The following APBA1 variants were observed in gnomAD, a reference collection of about 807,000 sequenced individuals.
APBA1 encodes the protein amyloid-beta A4 precursor protein-binding family A member 1.
Under a neutral mutation model 86.6 loss-of-function variants are expected in APBA1, and 55 were observed. The ratio of observed to expected loss-of-function variants is 0.64; its 90% confidence interval spans 0.51 to 0.80. The LOEUF is 0.80. APBA1 is among the 30% of genes least tolerant of loss of function. The pLI, the probability that APBA1 is intolerant of heterozygous loss-of-function variation, is 0.00. For missense variants in APBA1, 1,090 were observed against 1,183.0 expected (o/e 0.92, Z 1.15); for synonymous variants, 511 against 493.9 (o/e 1.03, Z -0.46).
chr9:69,552,007 G>T (rs1279855721), intron 1 of APBA1, among the ~76,000 whole-genome samples: 1 of 152,190 alleles, frequency 6.6e-6, no homozygotes, highest in Non-Finnish European at 1.5e-5. Flanking sequence ...ACATGAAACT[G>T]TTCAGAGTTT....
At chr9:69,672,448 G>C (rs1029156100), upstream of APBA1, 3 of 148,366 alleles carry the variant, frequency 2.0e-5, no homozygotes, top group Non-Finnish European at 3.0e-5. Flanking sequence ...CGCTGGGGCC[G>C]GGCGGGCCTG....
At chr9:69,572,914 A>G (rs1052449046) in intron 1 of APBA1, among the ~76,000 whole-genome samples, 3 of 152,142 alleles carry the variant, frequency 2.0e-5, no homozygotes, top group Admixed American at 2.0e-4. Context: ...TTATGATTTA[A>G]CTATTTTCTT....
intron 4 of APBA1, among the ~76,000 whole-genome samples, chr9:69,469,857 C>T (rs543556472): frequency 1.3e-5 from 2 of 152,260 alleles, no homozygotes; most frequent in East Asian, 1.9e-4. Flanking sequence ...TGAAGAAGAA[C>T]GATCTCATCT....
chr9:69,483,949 C>G (rs1185472777), intron 2 of APBA1, among the ~76,000 whole-genome samples: 2 of 152,094 alleles, frequency 1.3e-5, no homozygotes, highest in African/African-American at 4.8e-5. Flanking sequence ...TGGCTGACTC[C>G]AAATTAATGT....
chr9:69,626,745 G>C (rs1822939600), intron 1 of APBA1, among the ~76,000 whole-genome samples: 1 of 151,992 alleles, frequency 6.6e-6, no homozygotes, highest in African/African-American at 2.4e-5. Flanking sequence ...CCTAAGAAAA[G>C]AAAGAACTAT....
chr9:69,600,477 G>GT (rs1203318201), intron 1 of APBA1, among the ~76,000 whole-genome samples: 1 of 152,128 alleles, frequency 6.6e-6, no homozygotes. Context: ...TATCAGCTAT[G>GT]TGTAACTTTA....
At chr9:69,451,069 A>G (rs1157130558) in intron 9 of APBA1, among the ~76,000 whole-genome samples, 3 of 152,232 alleles carry the variant, frequency 2.0e-5, no homozygotes, top group Non-Finnish European at 4.4e-5. Flanking sequence ...CAACAGCCCT[A>G]GTAAATTCAT....
intron 5 of APBA1, 132 bp downstream of exon 5, chr9:69,467,690 TA>T: frequency 8.1e-7 from 1 of 1,238,986 alleles, no homozygotes; most frequent in Non-Finnish European, 1.1e-6. Flanking sequence ...GGCACATGGA[TA>T]AGCACTGCCT....
At chr9:69,561,635 T>A (rs1380438601) in intron 1 of APBA1, among the ~76,000 whole-genome samples, 1 of 152,012 alleles carries the variant, frequency 6.6e-6, no homozygotes, top group Non-Finnish European at 1.5e-5. Context: ...ACAGGATTTT[T>A]TTTTTTTTTT....
rs751134974 is a variant in APBA1 at position 69,458,147 on chromosome 9, G to C, written c.1515+9C>G. On this transcript the variant is annotated intron_variant, in intron 6 of 12. Transcript: ENST00000265381. Reference sequence around the variant, plus strand: ...TAACACCAAGCTGATGAAGTTGTTTGTACTGCACCTTCTTCCTGCTTTTGG... The same window carrying C: ...TAACACCAAGCTGATGAAGTTGTTTCTACTGCACCTTCTTCCTGCTTTTGG... The C allele has an allele frequency of 6.2e-7, 1 of 1,611,266 alleles. No homozygotes were observed. Among genetic ancestry groups the C allele is most frequent in the South Asian group, 1.1e-5 (1 of 90,332 alleles).
chr9:69,497,545 TC>T (rs1564056208), intron 2 of APBA1, among the ~76,000 whole-genome samples: 1 of 152,146 alleles, frequency 6.6e-6, no homozygotes, highest in African/African-American at 2.4e-5. Context: ...GAGAGTATCA[TC>T]AGCACACTGC....
At chr9:69,649,269 A>C (rs1823450338) in intron 1 of APBA1, among the ~76,000 whole-genome samples, 1 of 152,100 alleles carries the variant, frequency 6.6e-6, no homozygotes, top group South Asian at 2.1e-4. Flanking sequence ...AAATCTGATC[A>C]TGTCTTTCCT....
At chr9:69,614,235 C>A (rs1193694148) in intron 1 of APBA1, among the ~76,000 whole-genome samples, 1 of 152,144 alleles carries the variant, frequency 6.6e-6, no homozygotes, top group Non-Finnish European at 1.5e-5. Flanking sequence ...GCTTCCCCAG[C>A]ATCAAAATTC....
rs1415854042 is a variant in APBA1, at chr9:69,516,296, G to A, written c.915C>T (p.Thr305=). 1 of 1,556,236 alleles carries A rather than the reference G, an allele frequency of 6.4e-7. No homozygotes were observed. ...GGCTGTCGGGGCGACCCCCGGCCGG[G>A]GTAGGGGGACGCTCCAGGTCCTGCT... ...EAEQDLERPP[T]PAGGRPDSPG... is the part of the protein sequence containing the mutation. The change falls in exon 2 of 13, where the codon ACC becomes ACT. Residue 305 remains threonine, a synonymous_variant. Transcript: ENST00000265381. This position sits in a 1 kb window ranked among gnomAD's most constrained non-coding sequence, Gnocchi z 7.3.
At chr9:69,603,116 A>T (rs531956252) in intron 1 of APBA1, among the ~76,000 whole-genome samples, 2 of 152,362 alleles carry the variant, frequency 1.3e-5, no homozygotes, top group African/African-American at 4.8e-5. Context: ...AGTTAGCTCC[A>T]GAAGAATCAA....
intron 8 of APBA1, 44 bp from the exon 9 acceptor site, chr9:69,452,345 C>T (rs779227410): frequency 1.3e-6 from 2 of 1,589,772 alleles, no homozygotes; most frequent in Admixed American, 1.7e-5. Context: ...CAGGGCAGTG[C>T]ACCTGGTGAG....
intron 2 of APBA1, 105 bp downstream of exon 2, chr9:69,515,906 G>T: frequency 7.8e-7 from 1 of 1,274,156 alleles, no homozygotes; most frequent in South Asian, 1.7e-5. Flanking sequence ...CGTCCCCACA[G>T]ACTACTTCCC....
intron 1 of APBA1, among the ~76,000 whole-genome samples, chr9:69,526,454 A>T (rs920778167): frequency 2.6e-5 from 4 of 152,298 alleles, no homozygotes; most frequent in Non-Finnish European, 5.9e-5. Context: ...CAAGTGGCCA[A>T]GAAACATATG....
intron 1 of APBA1, among the ~76,000 whole-genome samples, chr9:69,662,465 T>A (rs1356462712): frequency 6.6e-6 from 1 of 152,176 alleles, no homozygotes; most frequent in African/African-American, 2.4e-5. Flanking sequence ...AAGAACACAA[T>A]CATACCTGAA....
Sources: gnomAD v4.1 joint callset for allele counts (sites outside exome capture counted in the v4.1 genomes callset) on GRCh38, gnomAD v4.1.1 for gene constraint, Gnocchi (gnomAD v3.1) non-coding constraint, MANE v1.5 for transcripts, NCBI Gene and HGNC (gene_info 2026-07-23, HGNC 2026-07-21) for gene names.